Variants in M1AP observed in about 807,000 individuals in gnomAD.
M1AP encodes meiosis 1 arrest protein.
Under a neutral mutation model 51.2 loss-of-function variants are expected in M1AP, and 39 were observed. The ratio of observed to expected loss-of-function variants is 0.76; its 90% confidence interval spans 0.59 to 1.00. The LOEUF (loss-of-function observed/expected upper bound fraction) is 1.00, where lower values mean the gene tolerates loss of function less well. Ranked by LOEUF, M1AP falls within the 50% of genes least tolerant of loss-of-function variation. The pLI is 0.00. For missense variants in M1AP, 545 were observed against 641.2 expected, an observed-to-expected ratio of 0.85 and a Z score of 1.62; for synonymous variants, 251 against 249.2, an observed-to-expected ratio of 1.01 and a Z score of -0.07.
chr2:74,562,219 C>T lies in M1AP; in HGVS notation c.1279G>A (p.Glu427Lys). 1 of 1,607,338 alleles carries T rather than the reference C, an allele frequency of 6.2e-7. No individual in the cohort carries two copies. The highest frequency in any genetic ancestry group is 1.1e-5 in the South Asian group (1 of 90,524). Residue 427 changes from glutamate (E) to lysine (K), a missense_variant and splice_region_variant, in exon 8 of 11, where the codon GAG (glutamate) becomes AAG (lysine). Physicochemically the swap from Glu to Lys is moderately conservative, Grantham distance 56 (BLOSUM62 1). Transcript: ENST00000421985. ...DPHDDSLKNV[E>K]SMLDSLELEP... ...CATGAGATCTGGGCTCCACTTGCCT[C>T]CACATTCTTAAGGCTATCATCATGT...
intron 4 of M1AP, among the ~76,000 whole-genome samples, chr2:74,593,802 T>C (rs1370395872): frequency 6.6e-6 from 1 of 152,178 alleles, no homozygotes; most frequent in Admixed American, 6.5e-5. Context: ...AGTTCCCCAG[T>C]TTTTGCACTT....
At chr2:74,647,660 G>C (rs932295925) in intron 1 of M1AP, among the ~76,000 whole-genome samples, 28 of 152,156 alleles carry the variant, frequency 1.8e-4, no homozygotes, top group African/African-American at 6.3e-4. Context: ...TTAGGAGGCC[G>C]AGGCGGGCGG....
chr2:74,611,618 T>C (rs2104721886), intron 3 of M1AP, among the ~76,000 whole-genome samples: 1 of 152,098 alleles, frequency 6.6e-6, no homozygotes, highest in East Asian at 1.9e-4. Flanking sequence ...AACAAAACAG[T>C]TCTTTTTAGT....
At chr2:74,560,119 T>C in intron 9 of M1AP, 32 bp downstream of exon 9, 9 of 1,606,474 alleles carry the variant, frequency 5.6e-6, no homozygotes, top group Non-Finnish European at 7.6e-6. Flanking sequence ...GGAGGGGAAG[T>C]AAGGAAGAGG....
intron 4 of M1AP, among the ~76,000 whole-genome samples, chr2:74,590,588 G>C (rs1679983472): frequency 6.6e-6 from 1 of 152,118 alleles, no homozygotes; most frequent in Non-Finnish European, 1.5e-5. Context: ...CAATTATTTT[G>C]GCTGGGAGAG....
At position 74,562,323 on chromosome 2, in the gene M1AP, G is replaced by C. The variant is rs765673853; in HGVS notation, c.1175C>G (p.Ser392Cys). Residue 392 changes from serine to cysteine, a missense_variant, in exon 8 of 11, where the codon TCC (serine) becomes TGC (cysteine). Ser to Cys is a moderately radical substitution (Grantham distance 112). Transcript: ENST00000421985. ...CACCGCCTTTACCAGCAGTGTGAGG[G>C]AGTGTGACGGCATGATCACATAGAA... ...STFYVIMPSH[S>C]LTLLVKAVAT... 6.2e-7 allele frequency: 1 copy of C among 1,614,254 alleles called. No homozygotes were observed. The highest frequency in any genetic ancestry group is 8.5e-7 in the Non-Finnish European group (1 of 1,180,042).
chr2:74,562,741 T>C (rs962516880), intron 7 of M1AP, among the ~76,000 whole-genome samples: 3 of 152,150 alleles, frequency 2.0e-5, no homozygotes, highest in Admixed American at 2.0e-4. Context: ...ATGTGGACTT[T>C]TAAGAATTAT....
intron 4 of M1AP, among the ~76,000 whole-genome samples, chr2:74,602,860 G>C (rs1181310039): frequency 6.6e-6 from 1 of 152,144 alleles, no homozygotes; most frequent in African/African-American, 2.4e-5. Context: ...CTGCTTTCCT[G>C]CATTTAAAAG....
At chr2:74,593,480 A>C (rs1680161812) in intron 4 of M1AP, among the ~76,000 whole-genome samples, 1 of 152,190 alleles carries the variant, frequency 6.6e-6, no homozygotes, top group South Asian at 2.1e-4. Context: ...TTCCAGACTC[A>C]AGTGATTTTC....
At chr2:74,617,811 CATT>C (rs1372849118) in intron 2 of M1AP, among the ~76,000 whole-genome samples, 4 of 152,128 alleles carry the variant, frequency 2.6e-5, no homozygotes, top group African/African-American at 9.7e-5. Flanking sequence ...GAAGTAAAAA[CATT>C]ATAATAAATA....
At chr2:74,596,303 C>T (rs961485093) in intron 4 of M1AP, among the ~76,000 whole-genome samples, 2 of 152,116 alleles carry the variant, frequency 1.3e-5, no homozygotes, top group Non-Finnish European at 2.9e-5. Context: ...AGTAAGATGG[C>T]GGGGCGCGGT....
At chr2:74,576,317 C>A (rs1679062276) in intron 6 of M1AP, 139 bp downstream of exon 6, 1 of 888,760 alleles carries the variant, frequency 1.1e-6, no homozygotes, top group Non-Finnish European at 1.7e-6. Context: ...CTTCCTCATG[C>A]CATAGCTGTA....
intron 4 of M1AP, among the ~76,000 whole-genome samples, chr2:74,598,222 A>G (rs147479515): frequency 0.012 from 1,856 of 152,214 alleles, 35 homozygotes; most frequent in African/African-American, 0.043. Flanking sequence ...TCTCTACTCA[A>G]AATACAAAAA....
intron 7 of M1AP, among the ~76,000 whole-genome samples, chr2:74,574,885 G>C (rs1678964197): frequency 6.6e-6 from 1 of 152,146 alleles, no homozygotes; most frequent in African/African-American, 2.4e-5. Context: ...CACTTATCTT[G>C]TAGGTCTTAG....
Position 74,627,154 on chromosome 2 carries a change from AT to A in M1AP, c.241-12006del, listed in dbSNP as rs564137170. ...TTTTAATTGGCAAAAGGAAAACTATATATATTTATGACATATAACATTGTTA... is the reference window on the plus strand; with the variant it reads ...TTTTAATTGGCAAAAGGAAAACTATAATATTTATGACATATAACATTGTTA... On this transcript the variant is annotated intron_variant, in intron 2 of 10. Coordinates refer to ENST00000421985, the MANE Select transcript of M1AP (RefSeq NM_001321739.2). Among the ~76,000 whole-genome samples the A allele has an allele frequency of 1.6e-4, 24 of 152,298 alleles. No individual in the cohort carries two copies. The East Asian group carries it at 4.4e-3, about 28-fold the overall frequency.
intron 4 of M1AP, among the ~76,000 whole-genome samples, chr2:74,597,165 C>A (rs760857620): frequency 2.6e-4 from 39 of 152,056 alleles, no homozygotes; most frequent in Non-Finnish European, 4.6e-4. Context: ...TTTTTAAATA[C>A]TTTTAGATTT....
intron 7 of M1AP, among the ~76,000 whole-genome samples, chr2:74,564,469 A>G (rs1174010524): frequency 1.3e-5 from 2 of 152,198 alleles, no homozygotes; most frequent in Non-Finnish European, 2.9e-5. Context: ...GGTGGGACAG[A>G]TGATTTGGGC....
At chr2:74,581,190 T>TG (rs1679389214) in intron 5 of M1AP, among the ~76,000 whole-genome samples, 1 of 152,222 alleles carries the variant, frequency 6.6e-6, no homozygotes. Context: ...TTGTCCTCCC[T>TG]GGGGCGTATC....
intron 3 of M1AP, among the ~76,000 whole-genome samples, chr2:74,608,093 A>G (rs1249028972): frequency 2.1e-5 from 3 of 143,266 alleles, no homozygotes; most frequent in Admixed American, 6.7e-5. Context: ...ATAATCACCC[A>G]AAGTCCACAG....
Sources: gnomAD v4.1 joint callset for allele counts (sites outside exome capture counted in the v4.1 genomes callset) on GRCh38, gnomAD v4.1.1 for gene constraint, MANE v1.5 for transcripts, NCBI Gene and HGNC (gene_info 2026-07-23, HGNC 2026-07-21) for gene names.